CNNM2: variants seen among roughly 807,000 people sequenced by gnomAD.
The protein encoded by CNNM2 is cyclin and CBS domain divalent metal cation transport mediator 2, also known as metal transporter CNNM2.
A neutral mutation model predicts 66.9 loss-of-function variants in CNNM2; 12 were observed. The ratio of observed to expected loss-of-function variants is 0.18; its 90% CI spans 0.11 to 0.29. The LOEUF is 0.29. Ranked by LOEUF, CNNM2 falls within the 10% of genes least tolerant of loss-of-function variation. The pLI is 1.00. For missense variants in CNNM2, 705 were observed against 1,167.7 expected, an observed-to-expected ratio of 0.60 and a Z score of 5.77; for synonymous variants, 557 against 501.8, an observed-to-expected ratio of 1.11 and a Z score of -1.47.
At position 102,983,937 on chromosome 10, in the gene CNNM2, G is replaced by A. The variant is rs146025081; in HGVS notation, c.1621+63836G>A. Reference sequence around the variant, plus strand: ...CCGCCACCACGCCTGGCTAATTCTTGTATTTTTAGTAGAGATGGGGTTTGA... The same window carrying A: ...CCGCCACCACGCCTGGCTAATTCTTATATTTTTAGTAGAGATGGGGTTTGA... On this transcript the variant is annotated intron_variant, in intron 1 of 7. Coordinates refer to ENST00000369878, the MANE Select transcript of CNNM2 (RefSeq NM_017649.5). Among the ~76,000 whole-genome samples, 19 of 151,950 alleles carry A rather than the reference G, an allele frequency of 1.3e-4. No individual in the cohort carries two copies. The East Asian group carries it at 3.5e-3, about 28-fold the overall frequency.
chr10:103,006,607 G>T (rs1383239300), intron 1 of CNNM2, among the ~76,000 whole-genome samples: 1 of 151,970 alleles, frequency 6.6e-6, no homozygotes, highest in Non-Finnish European at 1.5e-5. Flanking sequence ...TAAAATCATG[G>T]CCAGATACTG....
intron 1 of CNNM2, among the ~76,000 whole-genome samples, chr10:102,981,925 A>G (rs1277123440): frequency 2.0e-5 from 3 of 151,546 alleles, no homozygotes; most frequent in Non-Finnish European, 2.9e-5. Context: ...CATTTGTTTC[A>G]TCTTTCTTGG....
At position 102,918,295 on chromosome 10, in the gene CNNM2, C is replaced by T. The variant is rs1402474639; in HGVS notation, c.-186C>T. On this transcript the variant is annotated 5_prime_UTR_variant, in exon 1 of 8. Transcript: ENST00000369878. The surrounding 1 kb of genome is among the most constrained non-coding windows in gnomAD (Gnocchi z 4.1). ...CGCGGGAGCAGCCGGCGCTCCTCTC[C>T]CTCCCTCTTTCCCTCCCGCGAGCCT... is the stretch of plus-strand genomic sequence containing the variant. 1.9e-6 allele frequency: 2 copies of T among 1,050,532 alleles called. No homozygotes were observed. Among genetic ancestry groups the T allele is most frequent in the East Asian group, 3.1e-5 (1 of 32,662 alleles). The allele number at this position is 1,050,532 out of a possible 1,614,324, so 65.1% of individuals were successfully genotyped here.
At chr10:102,975,480 A>AAAC (rs1554894129) in intron 1 of CNNM2, among the ~76,000 whole-genome samples, 1 of 124,308 alleles carries the variant, frequency 8.0e-6, no homozygotes, top group Non-Finnish European at 1.8e-5. Context: ...AAAAAAAAAA[A>AAAC]AAAAAAAACA....
At position 103,088,052 on chromosome 10, in the gene CNNM2, T is replaced by TTTA. The variant is rs1349720251; in HGVS notation, c.*10875_*10877dup. On this transcript the variant is annotated 3_prime_UTR_variant, in exon 8 of 8. Coordinates refer to ENST00000369878, the MANE Select transcript of CNNM2 (RefSeq NM_017649.5). ...TTAGAACATAATCAGTTCTTGAATA[T>TTTA]TTATTTCCTTTAAGAGAATATCAAA... 1.3e-5 allele frequency: 2 copies of TTTA among 152,140 alleles called. No homozygotes were observed. Among genetic ancestry groups the TTTA allele is most frequent in the African/African-American group, 4.8e-5 (2 of 41,454 alleles). 9.4% of individuals were successfully genotyped at this position (152,140 alleles called of 1,614,324 possible).
chr10:102,919,098 G>C lies in CNNM2; in HGVS notation c.618G>C (p.Gly206=). The change falls in exon 1 of 8, where the codon GGG becomes GGC. Residue 206 remains glycine (G), a synonymous_variant. Coordinates refer to ENST00000369878, the MANE Select transcript of CNNM2 (RefSeq NM_017649.5). ...STPALGAGGS[G]STGGAVGGKG... ...CCGCCCTGGGCGCCGGCGGCTCGGG[G>C]TCCACGGGTGGCGCCGTCGGGGGCA... 2 of 1,611,320 alleles carry C rather than the reference G, an allele frequency of 1.2e-6. No homozygotes were observed. Among genetic ancestry groups the C allele is most frequent in the Non-Finnish European group, 1.7e-6 (2 of 1,179,140 alleles).
At chr10:103,005,904 T>A (rs2064217114) in intron 1 of CNNM2, among the ~76,000 whole-genome samples, 1 of 151,966 alleles carries the variant, frequency 6.6e-6, no homozygotes, top group Non-Finnish European at 1.5e-5. Flanking sequence ...AATTTTTGTA[T>A]GTTTTGTAGA....
chr10:103,060,720 CAGA>C (rs1221961634), intron 4 of CNNM2, among the ~76,000 whole-genome samples: 10 of 152,164 alleles, frequency 6.6e-5, no homozygotes, highest in African/African-American at 2.4e-4. Flanking sequence ...GAAATATCTT[CAGA>C]AGGTTACCCA....
At chr10:103,044,591 A>G (rs1004472876) in intron 1 of CNNM2, among the ~76,000 whole-genome samples, 1 of 151,606 alleles carries the variant, frequency 6.6e-6, no homozygotes, top group African/African-American at 2.4e-5. Context: ...TTTTTGATTT[A>G]TCCCTTGACA....
chr10:102,995,583 A>C (rs2063982353), intron 1 of CNNM2, among the ~76,000 whole-genome samples: 1 of 151,886 alleles, frequency 6.6e-6, no homozygotes, highest in Admixed American at 6.6e-5. Flanking sequence ...TTTTGGGGGA[A>C]AGTTTTCAGG....
chr10:102,969,751 C>T (rs904937826), intron 1 of CNNM2, among the ~76,000 whole-genome samples: 1 of 151,790 alleles, frequency 6.6e-6, no homozygotes, highest in African/African-American at 2.4e-5. Flanking sequence ...TCAAGTGATT[C>T]TCCTGCCTCA....
intron 1 of CNNM2, among the ~76,000 whole-genome samples, chr10:102,987,540 C>T (rs1814758231): frequency 6.6e-6 from 1 of 151,996 alleles, no homozygotes; most frequent in South Asian, 2.1e-4. Context: ...CGAGGATGGT[C>T]TCGAACTGCT....
chr10:102,973,980 A>G (rs2063586895), intron 1 of CNNM2, among the ~76,000 whole-genome samples: 3 of 152,252 alleles, frequency 2.0e-5, no homozygotes, highest in Admixed American at 6.5e-5. Context: ...TGCTGCTGGT[A>G]TAACAGGGGT....
rs569817237 is a variant in CNNM2, at chr10:102,993,939, C to CTG, written c.1622-55757_1622-55756dup. ...CTGGCTTTATGTCAAAATCTTTTTT[C>CTG]TGTGTGTGTGTGAGTGTGACAGAGT... On this transcript the variant is annotated intron_variant, in intron 1 of 7. Coordinates refer to ENST00000369878, the MANE Select transcript of CNNM2 (RefSeq NM_017649.5). Among the ~76,000 whole-genome samples the CTG allele has an allele frequency of 2.3e-3, 352 of 151,642 alleles. 3 individuals carry two copies. Among genetic ancestry groups the CTG allele is most frequent in the African/African-American group, 7.9e-3 (327 of 41,294 alleles).
chr10:102,926,748 C>T (rs1192425425), intron 1 of CNNM2, among the ~76,000 whole-genome samples: 3 of 139,352 alleles, frequency 2.2e-5, no homozygotes, highest in Non-Finnish European at 3.1e-5. Context: ...TGGAGTCTCG[C>T]ACTGTTGCCC....
rs578238504 is a variant in CNNM2 at position 102,996,661 on chromosome 10, G to T, written c.1622-53046G>T. On this transcript the variant is annotated intron_variant, in intron 1 of 7. Transcript: ENST00000369878. The stretch of plus-strand genomic sequence containing the variant: ...ATTGCCCTACTATATTCCAGCCTGG[G>T]AAACAGAGCAAGACCCTGATTCAAA... Among the ~76,000 whole-genome samples, 10 of 152,302 alleles carry T rather than the reference G, an allele frequency of 6.6e-5. No homozygotes were observed. In the East Asian group the frequency reaches 1.3e-3, roughly 21 times the overall value.
intron 1 of CNNM2, among the ~76,000 whole-genome samples, chr10:102,978,273 C>T (rs978474983): frequency 6.6e-6 from 1 of 151,064 alleles, no homozygotes; most frequent in Non-Finnish European, 1.5e-5. Flanking sequence ...AAACTGGACT[C>T]GATTTTTTTT....
At chr10:102,972,273 ATTCT>A (rs2063557408) in intron 1 of CNNM2, among the ~76,000 whole-genome samples, 1 of 152,168 alleles carries the variant, frequency 6.6e-6, no homozygotes, top group Admixed American at 6.5e-5. Context: ...CAACTAAGAT[ATTCT>A]TTCTTCGTAG....
intron 4 of CNNM2, among the ~76,000 whole-genome samples, chr10:103,064,699 G>C (rs2065446073): frequency 6.6e-6 from 1 of 152,088 alleles, no homozygotes; most frequent in African/African-American, 2.4e-5. Flanking sequence ...AATTAGCTGG[G>C]CATGGTGGTG....
Sources: gnomAD v4.1 joint callset for allele counts (sites outside exome capture counted in the v4.1 genomes callset) on GRCh38, gnomAD v4.1.1 for gene constraint, Gnocchi (gnomAD v3.1) non-coding constraint, MANE v1.5 for transcripts, NCBI Gene and HGNC (gene_info 2026-07-23, HGNC 2026-07-21) for gene names.